The following RBFOX3 variants were observed in gnomAD, a reference collection of about 807,000 sequenced individuals.
RBFOX3 encodes the protein RNA binding fox-1 homolog 3.
Under a neutral mutation model 48.7 loss-of-function variants are expected in RBFOX3, and 17 were observed. The ratio of observed to expected loss-of-function variants is 0.35; its 90% confidence interval spans 0.24 to 0.52. RBFOX3 has a LOEUF of 0.52. RBFOX3 is among the 20% of genes least tolerant of loss of function. The pLI is 0.94. For synonymous variants in RBFOX3, 212 were observed against 209.5 expected, an observed-to-expected ratio of 1.01 and a Z score of -0.10; for missense variants, 382 against 497.5, an observed-to-expected ratio of 0.77 and a Z score of 2.21.
chr17:79,248,396 G>A (rs2148194225), intron 3 of RBFOX3, among the ~76,000 whole-genome samples: 1 of 152,278 alleles, frequency 6.6e-6, no homozygotes, highest in Non-Finnish European at 1.5e-5. Context: ...AGGGCTGGTG[G>A]CTTTGAAGTG....
intron 4 of RBFOX3, among the ~76,000 whole-genome samples, chr17:79,149,226 G>T (rs1237190762): frequency 6.6e-6 from 1 of 152,218 alleles, no homozygotes; most frequent in African/African-American, 2.4e-5. Flanking sequence ...ATTAGCAAAG[G>T]CCTGGGAAGG....
intron 4 of RBFOX3, among the ~76,000 whole-genome samples, chr17:79,125,657 C>T (rs2037019135): frequency 6.6e-6 from 1 of 152,238 alleles, no homozygotes; most frequent in African/African-American, 2.4e-5. Context: ...CCCTTCCTGG[C>T]TCCCTCTCCT....
At chr17:79,106,913 C>T in intron 5 of RBFOX3, 125 bp from the exon 6 acceptor site, 1 of 1,277,556 alleles carries the variant, frequency 7.8e-7, no homozygotes, top group Non-Finnish European at 1.0e-6. Context: ...CTCCCCCATC[C>T]CTGGGCTGGG....
At chr17:79,629,167 A>T in the RBFOX3 span, among the ~76,000 whole-genome samples, 1 of 152,164 alleles carries the variant, frequency 6.6e-6, no homozygotes, top group Non-Finnish European at 1.5e-5. Flanking sequence ...TAACAAGTCC[A>T]CCTGGTAAGT....
intron 4 of RBFOX3, among the ~76,000 whole-genome samples, chr17:79,222,400 T>C (rs1272739774): frequency 6.6e-6 from 1 of 152,180 alleles, no homozygotes; most frequent in East Asian, 1.9e-4. Flanking sequence ...CACCTTAGTG[T>C]CCTCATGTCT....
At chr17:79,137,603 G>A (rs1056895628) in intron 4 of RBFOX3, among the ~76,000 whole-genome samples, 4 of 152,170 alleles carry the variant, frequency 2.6e-5, no homozygotes, top group Non-Finnish European at 4.4e-5. Context: ...GGGCCTGAGC[G>A]CCTCCTTTCC....
chr17:79,293,960 CG>C (rs1250748444), intron 3 of RBFOX3, among the ~76,000 whole-genome samples: 3 of 152,162 alleles, frequency 2.0e-5, no homozygotes, highest in African/African-American at 7.2e-5. Flanking sequence ...GAAAGAGCCT[CG>C]GCCAGCATGG....
chr17:79,105,956 T>G (rs535302666), intron 6 of RBFOX3, among the ~76,000 whole-genome samples: 2 of 152,248 alleles, frequency 1.3e-5, no homozygotes, highest in African/African-American at 4.8e-5. Context: ...GCCTGGCGCA[T>G]TCAAGTCCAA....
intron 4 of RBFOX3, among the ~76,000 whole-genome samples, chr17:79,143,142 C>T (rs965531383): frequency 6.6e-6 from 1 of 152,258 alleles, no homozygotes; most frequent in Non-Finnish European, 1.5e-5. Context: ...ATACCTTGGA[C>T]CCCACAAGAA....
At chr17:79,158,488 C>T (rs531699341) in intron 4 of RBFOX3, among the ~76,000 whole-genome samples, 22 of 152,286 alleles carry the variant, frequency 1.4e-4, no homozygotes, top group African/African-American at 5.3e-4. Context: ...CACTTCCCCA[C>T]GACTCAGAGG....
At position 79,477,502 on chromosome 17, in the gene RBFOX3, G is replaced by A. The variant is rs1262904505; in HGVS notation, c.-175+4952C>T. Among the ~76,000 whole-genome samples the A allele has an allele frequency of 6.6e-6, 1 of 151,976 alleles. No individual in the cohort carries two copies. Among genetic ancestry groups the A allele is most frequent in the Non-Finnish European group, 1.5e-5 (1 of 67,998 alleles). On this transcript the variant is annotated intron_variant, in intron 2 of 14. Coordinates refer to ENST00000693108, the MANE Select transcript of RBFOX3 (RefSeq NM_001350451.2). This position sits in a 1 kb window ranked among gnomAD's most constrained non-coding sequence, Gnocchi z 4.8. ...ACCCGGGAGGCGGAGTTTGCAGTGAGCTGAGATCGCCCCATCGCACTCCAG... is the reference window on the plus strand; with the variant it reads ...ACCCGGGAGGCGGAGTTTGCAGTGAACTGAGATCGCCCCATCGCACTCCAG...
chr17:79,559,122 G>A (rs1456620801), intron 1 of RBFOX3, among the ~76,000 whole-genome samples: 2 of 152,124 alleles, frequency 1.3e-5, no homozygotes, highest in African/African-American at 4.8e-5. Context: ...CACATTAATT[G>A]TTCTCACTGG....
chr17:79,335,708 C>T (rs2081087816), intron 2 of RBFOX3, among the ~76,000 whole-genome samples: 1 of 152,224 alleles, frequency 6.6e-6, no homozygotes, highest in African/African-American at 2.4e-5. Context: ...CTCCCACGTG[C>T]TCATGCTCAC....
intron 2 of RBFOX3, among the ~76,000 whole-genome samples, chr17:79,451,132 C>T (rs1051139561): frequency 6.6e-6 from 1 of 151,916 alleles, no homozygotes; most frequent in African/African-American, 2.4e-5. Flanking sequence ...TTCACTGGGA[C>T]AATTTGCTAT....
chr17:79,229,553 C>T (rs1187898618), intron 4 of RBFOX3, among the ~76,000 whole-genome samples: 3 of 97,206 alleles, frequency 3.1e-5, no homozygotes, highest in Non-Finnish European at 5.8e-5. Flanking sequence ...AGCAAGACTC[C>T]ATCTCAAAAA....
intron 1 of RBFOX3, among the ~76,000 whole-genome samples, chr17:79,593,948 C>G (rs889763356): frequency 2.0e-5 from 3 of 152,178 alleles, no homozygotes; most frequent in Non-Finnish European, 2.9e-5. Context: ...GTTTGGGCAC[C>G]TGGGGAATCC....
At chr17:79,664,552 T>C in the RBFOX3 span, among the ~76,000 whole-genome samples, 1 of 152,176 alleles carries the variant, frequency 6.6e-6, no homozygotes, top group South Asian at 2.1e-4. Flanking sequence ...TTCACTATGT[T>C]GGCCAGGCTG....
At chr17:79,117,739 G>T (rs2043630113) in intron 4 of RBFOX3, among the ~76,000 whole-genome samples, 1 of 152,196 alleles carries the variant, frequency 6.6e-6, no homozygotes, top group South Asian at 2.1e-4. Context: ...AACTGTTGAT[G>T]GGGTACCTGG....
intron 4 of RBFOX3, among the ~76,000 whole-genome samples, chr17:79,122,100 T>C (rs1042393940): frequency 2.0e-4 from 31 of 152,252 alleles, no homozygotes; most frequent in African/African-American, 7.2e-4. Flanking sequence ...CACCCTTGAC[T>C]TGGCTCTTTT....
Sources: gnomAD v4.1 joint callset for allele counts (sites outside exome capture counted in the v4.1 genomes callset) on GRCh38, gnomAD v4.1.1 for gene constraint, Gnocchi (gnomAD v3.1) non-coding constraint, MANE v1.5 for transcripts, NCBI Gene and HGNC (gene_info 2026-07-23, HGNC 2026-07-21) for gene names.